Variants in ZNF514 observed in about 807,000 individuals in gnomAD.
The protein encoded by ZNF514 is zinc finger protein 514.
ZNF514 carries 12 observed loss-of-function variants against 9.7 expected under a neutral mutation model. That is an observed-to-expected ratio of 1.24 (90% CI 0.79 to 2.01). ZNF514 has a LOEUF of 2.01. Among genes scored for constraint, ZNF514 ranks in the 30% most tolerant of loss-of-function variants. ZNF514 has a pLI of 0.00. For synonymous variants in ZNF514, 158 were observed against 163.7 expected (o/e 0.97, Z 0.27); for missense variants, 467 against 465.5 (o/e 1.00, Z -0.03).
the ZNF514 span, among the ~76,000 whole-genome samples, chr2:95,139,066 G>A: frequency 3.9e-5 from 6 of 152,266 alleles, no homozygotes; most frequent in Non-Finnish European, 1.5e-5. Context: ...TAGCTTTCAC[G>A]TGGTATTAAA....
At chr2:95,154,061 A>G (rs569021634) in intron 2 of ZNF514, 1 of 152,374 alleles carries the variant, frequency 6.6e-6, no homozygotes, top group Non-Finnish European at 1.5e-5. Flanking sequence ...TTGATAGGTT[A>G]TATTATTTGT....
At chr2:95,124,138 A>G in the ZNF514 span, among the ~76,000 whole-genome samples, 2 of 152,210 alleles carry the variant, frequency 1.3e-5, no homozygotes, top group Non-Finnish European at 2.9e-5. Context: ...CAATCGAGAT[A>G]CAGAACTGTT....
In ZNF514 at chr2:95,149,980, G is replaced by C. The variant is rs1673488337; in HGVS notation, c.505C>G (p.Gln169Glu). The change falls in exon 5 of 5, where the codon CAA becomes GAA. Residue 169 changes from glutamine (Q) to glutamate (E), a missense_variant. Gln to Glu is a conservative substitution (Grantham distance 29). Transcript: ENST00000295208. Reference sequence around the variant, plus strand: ...CCTTCTCCCATGAGAATGCTGTGTTGGTTAACAAGGACTGATCTTAAACCT... The same window carrying C: ...CCTTCTCCCATGAGAATGCTGTGTTCGTTAACAAGGACTGATCTTAAACCT... ...SLGLRSVLVN[Q>E]HSILMGEGSY... The C allele has an allele frequency of 6.2e-7, 1 of 1,614,030 alleles. No homozygotes were observed. Among genetic ancestry groups the C allele is most frequent in the Admixed American group, 1.7e-5 (1 of 60,008 alleles).
chr2:95,145,103 ATAAG>A lies in ZNF514; in HGVS notation c.*4175_*4178del, dbSNP rs375587432. ...GGAAGCACTGAGAAAACTGGGCAAC[ATAAG>A]AGAAGCATGAGATGTGACATGAAGC... On this transcript the variant is annotated 3_prime_UTR_variant, in exon 5 of 5. Transcript: ENST00000295208. Among the ~76,000 whole-genome samples the A allele has an allele frequency of 5.1e-4, 78 of 152,366 alleles. 2 individuals are homozygous for A. The South Asian group carries it at 0.015, about 30-fold the overall frequency.
At position 95,147,425 on chromosome 2, in the gene ZNF514, G is replaced by A. The variant is rs1409391448; in HGVS notation, c.*1857C>T. Reference sequence around the variant, plus strand: ...TGATTTTTAGTGAAGTTACCAAATCGTTCAACCATCACCACCATCTAGTTT... The same window carrying A: ...TGATTTTTAGTGAAGTTACCAAATCATTCAACCATCACCACCATCTAGTTT... On this transcript the variant is annotated 3_prime_UTR_variant, in exon 5 of 5. Transcript: ENST00000295208. 4 of 152,118 alleles carry A rather than the reference G, an allele frequency of 2.6e-5. No homozygotes were observed. Among genetic ancestry groups the A allele is most frequent in the African/African-American group, 2.4e-5 (1 of 41,428 alleles). The allele number at this position is 152,118 out of a possible 1,614,324, so 9.4% of individuals were successfully genotyped here.
Position 95,149,180 on chromosome 2 carries a change from T to A in ZNF514, c.*102A>T. The A allele has an allele frequency of 7.4e-7, 1 of 1,354,024 alleles. No homozygotes were observed. Among genetic ancestry groups the A allele is most frequent in the Non-Finnish European group, 1.0e-6 (1 of 1,002,024 alleles). The allele number at this position is 1,354,024 out of a possible 1,614,324, so 83.9% of individuals were successfully genotyped here. A position where few individuals can be genotyped will look rare whatever the true frequency, so the allele number is the denominator to read the frequency against. On this transcript the variant is annotated 3_prime_UTR_variant, in exon 5 of 5. Coordinates refer to ENST00000295208, the MANE Select transcript of ZNF514 (RefSeq NM_032788.3). ...GCCTGATGTGGAACAAGATGTGGTC[T>A]TCCCACATACATTACACCTTTAGGA...
At chr2:95,155,982 G>A (rs1673677451) in intron 2 of ZNF514, among the ~76,000 whole-genome samples, 2 of 152,160 alleles carry the variant, frequency 1.3e-5, no homozygotes, top group Non-Finnish European at 1.5e-5. Context: ...GCCCACTACT[G>A]ACAAAGACAG....
downstream of ZNF514, among the ~76,000 whole-genome samples, chr2:95,141,413 T>C (rs1256614813): frequency 6.6e-6 from 1 of 152,152 alleles, no homozygotes; most frequent in Non-Finnish European, 1.5e-5. Flanking sequence ...GGCCATTTGG[T>C]TCACTCCCCT....
Position 95,159,743 on chromosome 2 carries a change from CG to C in ZNF514, c.-600del, listed in dbSNP as rs1375010168. 2 of 130,946 alleles carry C rather than the reference CG, an allele frequency of 1.5e-5. No individual in the cohort carries two copies. The highest frequency in any genetic ancestry group is 3.4e-5 in the Non-Finnish European group (2 of 58,594). 8.1% of individuals were successfully genotyped at this position (130,946 alleles called of 1,614,324 possible). ...CCCGCGCCAGCCCCCGCGTCCGCCC[CG>C]CGCCAGCCCCGCCTCCCGAGGCCGT... On this transcript the variant is annotated 5_prime_UTR_variant, in exon 1 of 5. Coordinates refer to ENST00000295208, the MANE Select transcript of ZNF514 (RefSeq NM_032788.3).
the ZNF514 span, among the ~76,000 whole-genome samples, chr2:95,135,387 T>C: frequency 1.3e-5 from 2 of 151,970 alleles, no homozygotes; most frequent in Non-Finnish European, 2.9e-5. Context: ...CTTTCCTTCC[T>C]TCCTTCCCTC....
the ZNF514 span, among the ~76,000 whole-genome samples, chr2:95,137,343 GGTCCCAAAAT>G: frequency 6.6e-6 from 1 of 152,106 alleles, no homozygotes; most frequent in Non-Finnish European, 1.5e-5. Flanking sequence ...AATCCCTAGT[GGTCCCAAAAT>G]GGCCATGTGG....
chr2:95,158,765 A>G, intron 1 of ZNF514: 2 of 1,168,198 alleles, frequency 1.7e-6, no homozygotes, highest in Non-Finnish European at 2.2e-6. Context: ...GGTCATCTAG[A>G]GACCCCTGCC....
downstream of ZNF514, among the ~76,000 whole-genome samples, chr2:95,144,059 G>T (rs953899121): frequency 6.6e-6 from 1 of 152,160 alleles, no homozygotes; most frequent in Non-Finnish European, 1.5e-5. Flanking sequence ...CTGAATAAAT[G>T]CAAGTCTCAC....
downstream of ZNF514, among the ~76,000 whole-genome samples, chr2:95,142,932 T>C (rs1673279812): frequency 1.3e-5 from 2 of 152,240 alleles, no homozygotes; most frequent in Non-Finnish European, 2.9e-5. Context: ...CTAGGATTAT[T>C]TGTTGGCTAA....
rs1282126927 is a variant in ZNF514 at position 95,149,856 on chromosome 2, C to T, written c.629G>A (p.Gly210Glu). ...TTCTGACTGGAAGTGAAAGGACTTC[C>T]CACACTCATTACATTTACAAGATTT... ...EKKSCKCNEC[G>E]KSFHFQSELR... Residue 210 changes from glycine to glutamate, a missense_variant, in exon 5 of 5, where the codon GGG (glycine) becomes GAG (glutamate). Coordinates refer to ENST00000295208, the MANE Select transcript of ZNF514 (RefSeq NM_032788.3). The T allele has an allele frequency of 3.1e-6, 5 of 1,614,078 alleles. No homozygotes were observed. In the African/African-American group the frequency reaches 5.3e-5, roughly 17 times the overall value.
rs766858700 is a variant in ZNF514 at position 95,149,666 on chromosome 2, C to A, written c.819G>T (p.Ser273=). 15 of 1,610,170 alleles carry A rather than the reference C, an allele frequency of 9.3e-6. No homozygotes were observed. Among genetic ancestry groups the A allele is most frequent in the Non-Finnish European group, 3.4e-6 (4 of 1,179,004 alleles). ...SECGRAFSQS[S]SLVLHYRFHT... ...GAAATCTATAGTGCAGAACAAGAGACGAACTCTGGCTGAAGGCTCTCCCAC... is the reference window on the plus strand; with the variant it reads ...GAAATCTATAGTGCAGAACAAGAGAAGAACTCTGGCTGAAGGCTCTCCCAC... Residue 273 remains serine (S), a synonymous_variant, in exon 5 of 5, where the codon TCG becomes TCT. Coordinates refer to ENST00000295208, the MANE Select transcript of ZNF514 (RefSeq NM_032788.3).
rs1673792354 is a variant in ZNF514 at position 95,159,571 on chromosome 2, C to A, written c.-427G>T. ...GGTCTGCGCGCCCGCAGTCTCCGAA[C>A]GCTCACAGGACCAGGCCCCGCCCGC... On this transcript the variant is annotated 5_prime_UTR_variant, in exon 1 of 5. Transcript: ENST00000295208. The A allele has an allele frequency of 6.7e-6, 1 of 149,798 alleles. No individual in the cohort carries two copies. Among genetic ancestry groups the A allele is most frequent in the African/African-American group, 2.4e-5 (1 of 40,952 alleles). 9.3% of individuals were successfully genotyped at this position (149,798 alleles called of 1,614,324 possible). A position where few individuals can be genotyped will look rare whatever the true frequency, so the allele number is the denominator to read the frequency against.
Position 95,146,569 on chromosome 2 carries a change from G to A in ZNF514, c.*2713C>T, listed in dbSNP as rs933039786. Among the ~76,000 whole-genome samples the A allele has an allele frequency of 1.5e-4, 23 of 151,638 alleles. No homozygotes were observed. Among genetic ancestry groups the A allele is most frequent in the African/African-American group, 5.3e-4 (22 of 41,312 alleles). On this transcript the variant is annotated 3_prime_UTR_variant, in exon 5 of 5. Transcript: ENST00000295208. ...TGTGCAATGGAGGCTTCTGTCAGGA[G>A]CAGCAGGAGGTTGGAGCAGCCTAAA...
rs1323315891 is a variant in ZNF514, at chr2:95,147,831, G to C, written c.*1451C>G. On this transcript the variant is annotated 3_prime_UTR_variant, in exon 5 of 5. Coordinates refer to ENST00000295208, the MANE Select transcript of ZNF514 (RefSeq NM_032788.3). ...TTTTTTTGTATTTTTAGGAGAGACA[G>C]GGTTTCACTGTGTTAGCCAGGATGG... 2 of 152,126 alleles carry C rather than the reference G, an allele frequency of 1.3e-5. No individual in the cohort carries two copies. The highest frequency in any genetic ancestry group is 2.1e-4 in the South Asian group (1 of 4,824). 9.4% of individuals were successfully genotyped at this position (152,126 alleles called of 1,614,324 possible).
Sources: gnomAD v4.1 joint callset for allele counts (sites outside exome capture counted in the v4.1 genomes callset) on GRCh38, gnomAD v4.1.1 for gene constraint, MANE v1.5 for transcripts, NCBI Gene and HGNC (gene_info 2026-07-23, HGNC 2026-07-21) for gene names.